The following ADAMTS17 variants were observed in gnomAD, a reference collection of about 807,000 sequenced individuals.
ADAMTS17 encodes the protein ADAM metallopeptidase with thrombospondin type 1 motif 17.
A neutral mutation model predicts 141.5 loss-of-function variants in ADAMTS17; 113 were observed. That is an observed-to-expected ratio of 0.80 (90% CI 0.69 to 0.93). ADAMTS17 has a LOEUF of 0.93. ADAMTS17 is among the 40% of genes least tolerant of loss of function. ADAMTS17 has a pLI of 0.00. For synonymous variants in ADAMTS17, 768 were observed against 630.6 expected (o/e 1.22, Z -3.27); for missense variants, 1,659 against 1,517.9 (o/e 1.09, Z -1.54).
At chr15:100,115,190 A>T (rs1468226589) in intron 13 of ADAMTS17, among the ~76,000 whole-genome samples, 1 of 152,176 alleles carries the variant, frequency 6.6e-6, no homozygotes, top group South Asian at 2.1e-4. Context: ...CTCGCTTCCA[A>T]TTAGGGGTCT....
intron 18 of ADAMTS17, among the ~76,000 whole-genome samples, chr15:100,038,422 T>TA (rs2141523458): frequency 6.6e-6 from 1 of 152,336 alleles, no homozygotes; most frequent in African/African-American, 2.4e-5. Context: ...TAAATTTTGA[T>TA]AGAGATTGCA....
chr15:100,332,644 A>C (rs1363789984), intron 2 of ADAMTS17, among the ~76,000 whole-genome samples: 1 of 152,290 alleles, frequency 6.6e-6, no homozygotes, highest in African/African-American at 2.4e-5. Flanking sequence ...AAATTTTTAA[A>C]GACAGGGAGA....
intron 7 of ADAMTS17, among the ~76,000 whole-genome samples, chr15:100,232,746 G>A (rs1196240556): frequency 6.6e-6 from 1 of 152,154 alleles, no homozygotes; most frequent in East Asian, 1.9e-4. Context: ...GGCCCATGCG[G>A]GACACCCTGC....
chr15:100,178,565 C>A (rs953596864), intron 8 of ADAMTS17, among the ~76,000 whole-genome samples: 2 of 152,110 alleles, frequency 1.3e-5, no homozygotes. Flanking sequence ...TGTAGTTGTA[C>A]TTTTACCCAT....
At chr15:99,980,792 AAATGATC>A (rs2060468237) in intron 20 of ADAMTS17, 1 of 152,272 alleles carries the variant, frequency 6.6e-6, no homozygotes, top group Non-Finnish European at 1.5e-5. Flanking sequence ...TTCTGCCTGG[AAATGATC>A]AATGACCATC....
rs772506694 is a variant in ADAMTS17, at chr15:100,048,962, C to T, written c.2486G>A (p.Arg829Gln). Reference sequence around the variant, plus strand: ...CAGAGTTGTGGTCTTGTTGACAATCCGTGTACACGAGACGATGGTTCTGCG... The same window carrying T: ...CAGAGTTGTGGTCTTGTTGACAATCTGTGTACACGAGACGATGGTTCTGCG... ...GERRTIVSCT[R>Q]IVNKTTTLVN... Residue 829 changes from arginine (R) to glutamine (Q), a missense_variant, in exon 18 of 22, where the codon CGG (arginine) becomes CAG (glutamine). Arg to Gln is a conservative substitution (Grantham distance 43, BLOSUM62 1). Transcript: ENST00000268070. 2.4e-5 allele frequency: 38 copies of T among 1,614,028 alleles called. No homozygotes were observed. Among genetic ancestry groups the T allele is most frequent in the African/African-American group, 4.0e-5 (3 of 74,914 alleles).
Position 100,109,085 on chromosome 15 carries a change from G to C in ADAMTS17, c.1920C>G (p.Leu640=), listed in dbSNP as rs774685890. 1 of 1,613,552 alleles carries C rather than the reference G, an allele frequency of 6.2e-7. No individual in the cohort carries two copies. Among genetic ancestry groups the C allele is most frequent in the South Asian group, 1.1e-5 (1 of 91,046 alleles). ...CCACCAGCAGTGGGGACTCCTTCCC[G>C]AGGGGCGAGCAGTAGAGTTCACATG... ...DKPCELYCSP[L]GKESPLLVAD... is the part of the protein sequence containing the mutation. The change falls in exon 14 of 22, where the codon CTC becomes CTG. Residue 640 remains leucine, a synonymous_variant. Transcript: ENST00000268070.
At chr15:100,088,435 T>A (rs963460411) in intron 15 of ADAMTS17, among the ~76,000 whole-genome samples, 1 of 152,216 alleles carries the variant, frequency 6.6e-6, no homozygotes, top group Non-Finnish European at 1.5e-5. Context: ...ATAGATTCAA[T>A]GACATCTCCA....
intron 2 of ADAMTS17, among the ~76,000 whole-genome samples, chr15:100,340,670 G>A (rs980317320): frequency 2.0e-5 from 3 of 152,262 alleles, no homozygotes; most frequent in East Asian, 1.9e-4. Context: ...ACTTTGACAC[G>A]GCGGTGCAGA....
chr15:100,096,605 G>A lies in ADAMTS17; in HGVS notation c.2017-129C>T, dbSNP rs968988695. 1.5e-5 allele frequency: 17 copies of A among 1,167,444 alleles called. No homozygotes were observed. In the African/African-American group the frequency reaches 2.5e-4, roughly 17 times the overall value. 72.3% of individuals were successfully genotyped at this position (1,167,444 alleles called of 1,614,324 possible). A position where few individuals can be genotyped will look rare whatever the true frequency, so the allele number is the denominator to read the frequency against. On this transcript the variant is annotated intron_variant, in intron 14 of 21. Coordinates refer to ENST00000268070, the MANE Select transcript of ADAMTS17 (RefSeq NM_139057.4). ...GGCCTGGGGCCCTGATCCATTCAGA[G>A]GCCCAAGAAAATATTTTAATTCAGG...
chr15:100,262,200 C>G (rs1305387947), intron 5 of ADAMTS17, 152 bp downstream of exon 5: 1 of 721,418 alleles, frequency 1.4e-6, no homozygotes, highest in Non-Finnish European at 2.4e-6. Context: ...GCTTCCGGTA[C>G]TGATGCCGGC....
At chr15:100,184,036 TTGCTGC>T (rs530347722) in intron 8 of ADAMTS17, among the ~76,000 whole-genome samples, 1 of 151,982 alleles carries the variant, frequency 6.6e-6, no homozygotes, top group Non-Finnish European at 1.5e-5. Context: ...AGGGGTTTCA[TTGCTGC>T]TGCTGCTGCT....
At chr15:100,189,978 T>C (rs186067089) in intron 8 of ADAMTS17, among the ~76,000 whole-genome samples, 67 of 152,218 alleles carry the variant, frequency 4.4e-4, no homozygotes, top group African/African-American at 1.3e-3. Context: ...CCCAGCTCAG[T>C]TCAACGCTGA....
At chr15:100,177,049 T>A (rs1181900613) in intron 8 of ADAMTS17, among the ~76,000 whole-genome samples, 1 of 152,238 alleles carries the variant, frequency 6.6e-6, no homozygotes, top group Non-Finnish European at 1.5e-5. Flanking sequence ...TTTTGAGCTA[T>A]TAAGAAGAAT....
intron 18 of ADAMTS17, among the ~76,000 whole-genome samples, chr15:100,042,557 C>T (rs960038786): frequency 6.6e-6 from 1 of 152,170 alleles, no homozygotes; most frequent in Admixed American, 6.5e-5. Context: ...TTTTCACTTA[C>T]AGGATGCATT....
chr15:100,053,613 A>G (rs2032314328), intron 16 of ADAMTS17, among the ~76,000 whole-genome samples: 1 of 152,188 alleles, frequency 6.6e-6, no homozygotes, highest in South Asian at 2.1e-4. Context: ...CACGTGGCTA[A>G]GCATTTCCTT....
intron 8 of ADAMTS17, among the ~76,000 whole-genome samples, chr15:100,155,950 G>A (rs1294592874): frequency 6.6e-6 from 1 of 151,940 alleles, no homozygotes; most frequent in Admixed American, 6.6e-5. Flanking sequence ...TGCCCTCACT[G>A]GGGTGAGCCA....
rs1037066109 is a variant in ADAMTS17 at position 100,330,875 on chromosome 15, C to T, written c.616+14G>A. 9.9e-6 allele frequency: 16 copies of T among 1,613,684 alleles called. No homozygotes were observed. Among genetic ancestry groups the T allele is most frequent in the Non-Finnish European group, 1.4e-5 (16 of 1,179,724 alleles). On this transcript the variant is annotated intron_variant, in intron 3 of 21. Transcript: ENST00000268070. ...CGTGTGTTCTAAGCTGGTCATGCTG[C>T]TGCCCCGACTCACCTGTTAGAACCT...
intron 8 of ADAMTS17, among the ~76,000 whole-genome samples, chr15:100,192,073 T>C (rs1332915127): frequency 6.6e-6 from 1 of 152,066 alleles, no homozygotes; most frequent in Non-Finnish European, 1.5e-5. Context: ...TAAAAGGAAA[T>C]AAGGCCTGCA....
Sources: allele counts gnomAD v4.1 joint callset (sites outside exome capture counted in the v4.1 genomes callset), GRCh38; gene constraint gnomAD v4.1.1; transcripts MANE v1.5; gene names NCBI Gene and HGNC (gene_info 2026-07-23, HGNC 2026-07-21).